Variants in PARD3B observed in about 807,000 individuals in gnomAD.
The protein encoded by PARD3B is par-3 family cell polarity regulator beta.
In PARD3B, 103 loss-of-function variants were observed where a neutral mutation model predicts 130.2. The ratio of observed to expected loss-of-function variants is 0.79; its 90% CI spans 0.67 to 0.93. PARD3B has a LOEUF of 0.93. Ranked by LOEUF, PARD3B falls within the 40% of genes least tolerant of loss-of-function variation. The pLI is 0.00. For synonymous variants in PARD3B, 583 were observed against 553.2 expected, an observed-to-expected ratio of 1.05 and a Z score of -0.76; for missense variants, 1,609 against 1,499.2, an observed-to-expected ratio of 1.07 and a Z score of -1.21.
At position 205,300,631 on chromosome 2, in the gene PARD3B, C is replaced by G. The variant is rs754468727; in HGVS notation, c.2287C>G (p.Pro763Ala). Reference protein sequence around the residue: ...AVAEVRKNDLPFHRPRPHMVR... With the variant: ...AVAEVRKNDLAFHRPRPHMVR... ...GGCCGAGGTCAGGAAGAATGACCTT[C>G]CCTTTCACAGGCCCCGGCCGCACAT... Residue 763 changes from proline to alanine, a missense_variant, in exon 17 of 23, where the codon CCC becomes GCC. Physicochemically the swap from Pro to Ala is conservative, Grantham distance 27. Coordinates refer to ENST00000406610, the MANE Select transcript of PARD3B (RefSeq NM_001302769.2). The surrounding 1 kb of genome is among the most constrained non-coding windows in gnomAD (Gnocchi z 4.1). 3.1e-6 allele frequency: 5 copies of G among 1,613,640 alleles called. No individual in the cohort carries two copies. Among genetic ancestry groups the G allele is most frequent in the Non-Finnish European group, 3.4e-6 (4 of 1,179,858 alleles).
intron 16 of PARD3B, among the ~76,000 whole-genome samples, chr2:205,255,734 A>T (rs2040054269): frequency 6.6e-6 from 1 of 151,950 alleles, no homozygotes; most frequent in Non-Finnish European, 1.5e-5. Flanking sequence ...GAAGGGCTGG[A>T]TGGAAGAGAT....
chr2:205,618,805 G>A lies in PARD3B; in HGVS notation c.*2992G>A, dbSNP rs965549676. 3.3e-5 allele frequency: 5 copies of A among 152,168 alleles called. No homozygotes were observed. Among genetic ancestry groups the A allele is most frequent in the Non-Finnish European group, 5.9e-5 (4 of 68,040 alleles). 9.4% of individuals were successfully genotyped at this position (152,168 alleles called of 1,614,324 possible). On this transcript the variant is annotated 3_prime_UTR_variant, in exon 23 of 23. Coordinates refer to ENST00000406610, the MANE Select transcript of PARD3B (RefSeq NM_001302769.2). ...CTCCCCAGAATCCATTATGCCATCG[G>A]GTTGTGGCACTCTCACCCTTGCCAT...
intron 15 of PARD3B, among the ~76,000 whole-genome samples, chr2:205,242,279 T>C (rs2039384948): frequency 6.6e-6 from 1 of 152,316 alleles, no homozygotes; most frequent in South Asian, 2.1e-4. Context: ...AAATTGTCAA[T>C]TAAAATAATG....
chr2:204,801,627 A>G (rs952347974), intron 2 of PARD3B, among the ~76,000 whole-genome samples: 3 of 152,114 alleles, frequency 2.0e-5, no homozygotes, highest in Non-Finnish European at 4.4e-5. Flanking sequence ...GGGTTTTCTA[A>G]ATATACAATC....
At chr2:205,152,542 G>A (rs1166321153) in intron 10 of PARD3B, among the ~76,000 whole-genome samples, 4 of 151,980 alleles carry the variant, frequency 2.6e-5, no homozygotes, top group East Asian at 1.9e-4. Flanking sequence ...CCACTTGATC[G>A]AATCGGCTAC....
chr2:205,084,188 G>T (rs1052391658), intron 4 of PARD3B, among the ~76,000 whole-genome samples: 2 of 151,968 alleles, frequency 1.3e-5, no homozygotes, highest in Non-Finnish European at 2.9e-5. Flanking sequence ...CATTCTTATT[G>T]TATAATTGTT....
chr2:204,951,297 G>T (rs191687577), intron 2 of PARD3B, among the ~76,000 whole-genome samples: 1 of 152,078 alleles, frequency 6.6e-6, no homozygotes, highest in Non-Finnish European at 1.5e-5. Context: ...ATGATATTAC[G>T]CCATGATTTT....
chr2:205,535,100 C>A (rs1490927253), intron 21 of PARD3B, among the ~76,000 whole-genome samples: 1 of 152,150 alleles, frequency 6.6e-6, no homozygotes, highest in African/African-American at 2.4e-5. Flanking sequence ...ATATTGCCCC[C>A]ATAATCAAAT....
intron 2 of PARD3B, among the ~76,000 whole-genome samples, chr2:204,694,936 C>G (rs2037538716): frequency 6.6e-6 from 1 of 152,002 alleles, no homozygotes; most frequent in African/African-American, 2.4e-5. Flanking sequence ...ATGACATGAT[C>G]AAGCTCTATG....
chr2:205,394,792 CA>C (rs953767005), intron 18 of PARD3B, among the ~76,000 whole-genome samples: 20 of 152,162 alleles, frequency 1.3e-4, no homozygotes, highest in African/African-American at 4.6e-4. Context: ...ATAGAATAGC[CA>C]AATTCATAGA....
intron 2 of PARD3B, among the ~76,000 whole-genome samples, chr2:204,816,136 C>T (rs926576525): frequency 6.6e-6 from 1 of 151,930 alleles, no homozygotes; most frequent in East Asian, 1.9e-4. Flanking sequence ...GATATTAAAG[C>T]ACTTTACATA....
intron 20 of PARD3B, among the ~76,000 whole-genome samples, chr2:205,472,272 C>G (rs76840761): frequency 1.8e-4 from 28 of 152,282 alleles, no homozygotes; most frequent in African/African-American, 6.0e-4. Flanking sequence ...CTCCCTTTCT[C>G]TCTCTCTGAC....
chr2:205,062,966 T>C (rs994848645), intron 4 of PARD3B, among the ~76,000 whole-genome samples: 13 of 152,214 alleles, frequency 8.5e-5, no homozygotes, highest in Middle Eastern at 6.8e-3. Flanking sequence ...ATTTTAAATA[T>C]AGTTGCAGTG....
chr2:204,729,994 C>A (rs1021232861), intron 2 of PARD3B, among the ~76,000 whole-genome samples: 24 of 122,062 alleles, frequency 2.0e-4, no homozygotes, highest in Admixed American at 3.6e-4. Flanking sequence ...TACACACACA[C>A]ACAAACACAC....
intron 18 of PARD3B, among the ~76,000 whole-genome samples, chr2:205,383,663 A>C (rs992339646): frequency 6.6e-6 from 1 of 152,074 alleles, no homozygotes; most frequent in Non-Finnish European, 1.5e-5. Flanking sequence ...GGGTTTTACA[A>C]GTGCAAAGAG....
intron 20 of PARD3B, among the ~76,000 whole-genome samples, chr2:205,488,758 A>G (rs1304413477): frequency 6.6e-6 from 1 of 152,198 alleles, no homozygotes; most frequent in Non-Finnish European, 1.5e-5. Flanking sequence ...AACTCAGTTC[A>G]TGTTCAGGGA....
At chr2:205,306,580 T>A (rs1284791322) in intron 18 of PARD3B, among the ~76,000 whole-genome samples, 5 of 152,206 alleles carry the variant, frequency 3.3e-5, no homozygotes. Context: ...TTCTTCCCTT[T>A]TATTGTCCCA....
intron 3 of PARD3B, among the ~76,000 whole-genome samples, chr2:205,019,363 C>G (rs1276142886): frequency 6.6e-6 from 1 of 151,998 alleles, no homozygotes; most frequent in East Asian, 1.9e-4. Context: ...ATGGATATGC[C>G]AAATTTTATT....
At chr2:204,604,429 C>T (rs930803710) in intron 1 of PARD3B, among the ~76,000 whole-genome samples, 1 of 152,092 alleles carries the variant, frequency 6.6e-6, no homozygotes, top group Non-Finnish European at 1.5e-5. Flanking sequence ...TTTATGTTTC[C>T]CCTTTAAATG....
Sources: allele counts gnomAD v4.1 joint callset (sites outside exome capture counted in the v4.1 genomes callset), GRCh38; gene constraint gnomAD v4.1.1; non-coding constraint Gnocchi (gnomAD v3.1); transcripts MANE v1.5; gene names NCBI Gene and HGNC (gene_info 2026-07-23, HGNC 2026-07-21).